STRADA: variants seen among roughly 807,000 people sequenced by gnomAD.
The protein encoded by STRADA is STE20-related kinase adapter protein alpha.
A neutral mutation model predicts 55.0 loss-of-function variants in STRADA; 26 were observed. That is an observed-to-expected ratio of 0.47 (90% CI 0.35 to 0.66). STRADA has a LOEUF of 0.66. Ranked by LOEUF, STRADA falls within the 30% of genes least tolerant of loss-of-function variation. STRADA has a pLI of 0.01. For missense variants in STRADA, 443 were observed against 549.7 expected (o/e 0.81, Z 1.94); for synonymous variants, 197 against 210.9 (o/e 0.93, Z 0.57).
At chr17:63,721,198 T>G (rs1415821896) in intron 4 of STRADA, among the ~76,000 whole-genome samples, 1 of 149,596 alleles carries the variant, frequency 6.7e-6, no homozygotes, top group Non-Finnish European at 1.5e-5. Flanking sequence ...ATGGTGAAAC[T>G]CCGTCTCTAT....
chr17:63,735,104 G>A (rs1248664812), intron 1 of STRADA, among the ~76,000 whole-genome samples: 7 of 152,330 alleles, frequency 4.6e-5, no homozygotes, highest in East Asian at 1.9e-4. Context: ...GCAGTGGGCC[G>A]AGATCGTGCC....
intron 1 of STRADA, among the ~76,000 whole-genome samples, chr17:63,729,129 C>T (rs1225229747): frequency 1.3e-5 from 2 of 152,158 alleles, no homozygotes; most frequent in African/African-American, 4.8e-5. Context: ...AGCGATCCTC[C>T]CATCTTGGCC....
intron 1 of STRADA, among the ~76,000 whole-genome samples, chr17:63,738,847 A>AATAATG (rs986075132): frequency 2.7e-5 from 4 of 150,294 alleles, no homozygotes; most frequent in African/African-American, 9.9e-5. Flanking sequence ...TAATAATAAT[A>AATAATG]ATAATAATAA....
intron 1 of STRADA, among the ~76,000 whole-genome samples, chr17:63,728,624 TGTG>T (rs933985941): frequency 3.5e-4 from 53 of 151,772 alleles, no homozygotes; most frequent in African/African-American, 1.3e-3. Flanking sequence ...TCTGGCCAGA[TGTG>T]GTGGTTCACG....
intron 4 of STRADA, chr17:63,714,516 T>C (rs975239779): frequency 7.2e-6 from 2 of 279,026 alleles, no homozygotes; most frequent in East Asian, 1.8e-4. Context: ...ATCCTATTTT[T>C]AAGGTCCTCA....
In STRADA at chr17:63,718,333, G is replaced by A. The variant is rs898519350; in HGVS notation, c.124-4225C>T. ...AGGTGAGAGAGATACACAACCAGGA[G>A]GCAAAAATGGAGCAGCAATTTGAGC... On this transcript the variant is annotated intron_variant, in intron 4 of 12. Transcript: ENST00000336174. Among the ~76,000 whole-genome samples, 11 of 152,212 alleles carry A rather than the reference G, an allele frequency of 7.2e-5. No homozygotes were observed. In the East Asian group the frequency reaches 2.1e-3, roughly 29 times the overall value.
chr17:63,707,331 A>G lies in STRADA; in HGVS notation c.669T>C (p.His223=), dbSNP rs766321338. Residue 223 remains histidine, a synonymous_variant, in exon 9 of 13, where the codon CAT becomes CAC. Coordinates refer to ENST00000336174, the MANE Select transcript of STRADA (RefSeq NM_001003787.4). ...CGTGGACCACTCGCTGCCGCTGCCC[A>G]TGGCTTATCATGCTGAGGTTGCTGC... The part of the protein sequence containing the change: ...GLRSNLSMIS[H]GQRQRVVHDF... The G allele has an allele frequency of 6.2e-7, 1 of 1,614,166 alleles. No individual in the cohort carries two copies.
At position 63,736,244 on chromosome 17, in the gene STRADA, C is replaced by T. The variant is rs528445718; in HGVS notation, c.-45+5497G>A. Among the ~76,000 whole-genome samples, 6 of 152,112 alleles carry T rather than the reference C, an allele frequency of 3.9e-5. No homozygotes were observed. The East Asian group carries it at 7.7e-4, about 20-fold the overall frequency. On this transcript the variant is annotated intron_variant, in intron 1 of 12. Transcript: ENST00000336174. ...GAGCCACTGCACCCAGCCCCATACA[C>T]GGTTTTTAATGAAATTATTTTAATG...
In STRADA at chr17:63,726,191, C is replaced by T. The variant is rs78231047; in HGVS notation, c.94+447G>A. 4.2e-3 allele frequency: 652 copies of T among 154,570 alleles called. 7 individuals are homozygous for T. Among genetic ancestry groups the T allele is most frequent in the African/African-American group, 0.015 (632 of 41,614 alleles). 9.6% of individuals were successfully genotyped at this position (154,570 alleles called of 1,614,324 possible). A position where few individuals can be genotyped will look rare whatever the true frequency, so the allele number is the denominator to read the frequency against. On this transcript the variant is annotated intron_variant, in intron 3 of 12. Transcript: ENST00000336174. ...CAGTCAGGTTTTACAATAGGAAGTT[C>T]ATATTTTTGTTCTGAAAGATTTTTC...
chr17:63,706,769 C>T (rs773894161), intron 9 of STRADA, 30 bp from the exon 10 acceptor site: 3 of 1,556,870 alleles, frequency 1.9e-6, no homozygotes, highest in South Asian at 1.1e-5. Flanking sequence ...CCACAGATTA[C>T]CCCATTTGGT....
At chr17:63,728,237 C>A in intron 2 of STRADA, 97 bp downstream of exon 2, 1 of 1,159,122 alleles carries the variant, frequency 8.6e-7, no homozygotes, top group Non-Finnish European at 1.3e-6. Flanking sequence ...CGTATCATTC[C>A]GACCCTCACG....
At position 63,740,086 on chromosome 17, in the gene STRADA, C is replaced by CTCTA. The variant is rs2038779539; in HGVS notation, c.-45+1654_-45+1655insTAGA. On this transcript the variant is annotated intron_variant, in intron 1 of 12. Transcript: ENST00000336174. ...CCCAGCCTATCAGAAACATTTAACA[C>CTCTA]TATATATATATATATATATATACAT... is the stretch of plus-strand genomic sequence containing the variant. 2.6e-4 allele frequency among the ~76,000 whole-genome samples: 11 copies of CTCTA among 41,524 alleles called. No individual in the cohort carries two copies. The South Asian group carries it at 0.012, about 44-fold the overall frequency. The allele number at this position is 41,524 out of a possible 152,430, so 27.2% of individuals were successfully genotyped here.
In STRADA at chr17:63,714,043, C is replaced by G. The variant is rs55923158; in HGVS notation, c.189G>C (p.Leu63=). ...GCAGCTCGTAACACCCTCCCTCTGG[C>G]AGAAAGCTACTCATGACCTCCTGTT... ...FSKQEVMSSF[L]PEGGCYELLT... The change falls in exon 5 of 13, where the codon CTG becomes CTC. Residue 63 remains leucine, a synonymous_variant. Coordinates refer to ENST00000336174, the MANE Select transcript of STRADA (RefSeq NM_001003787.4). 7 of 1,613,754 alleles carry G rather than the reference C, an allele frequency of 4.3e-6. No individual in the cohort carries two copies. The highest frequency in any genetic ancestry group is 1.6e-4 in the Middle Eastern group (1 of 6,062).
intron 3 of STRADA, among the ~76,000 whole-genome samples, chr17:63,725,030 G>C (rs1427270937): frequency 6.6e-6 from 1 of 151,592 alleles, no homozygotes; most frequent in African/African-American, 2.4e-5. Context: ...TGATCCGCCC[G>C]CCTGGGCCTC....
chr17:63,711,849 C>A (rs2036521158), intron 6 of STRADA, among the ~76,000 whole-genome samples: 1 of 152,080 alleles, frequency 6.6e-6, no homozygotes, highest in South Asian at 2.1e-4. Flanking sequence ...GTGGTAGAAT[C>A]ACCTGTGCCT....
At chr17:63,708,855 A>T (rs775166488) in intron 8 of STRADA, among the ~76,000 whole-genome samples, 2 of 152,140 alleles carry the variant, frequency 1.3e-5, no homozygotes, top group Non-Finnish European at 1.5e-5. Flanking sequence ...CCTACCTCCT[A>T]CGAATGCTTT....
chr17:63,718,815 A>G (rs1452677396), intron 4 of STRADA: 3 of 152,076 alleles, frequency 2.0e-5, no homozygotes, highest in Non-Finnish European at 4.4e-5. Flanking sequence ...TCTCAACTTA[A>G]ATGTCCTTTT....
chr17:63,717,992 G>A (rs1425870576), intron 4 of STRADA, among the ~76,000 whole-genome samples: 3 of 152,088 alleles, frequency 2.0e-5, no homozygotes, highest in Non-Finnish European at 4.4e-5. Context: ...CTGGAGTGCA[G>A]TGGCAAGATG....
chr17:63,718,849 A>C (rs1275577886), intron 4 of STRADA: 1 of 152,222 alleles, frequency 6.6e-6, no homozygotes, highest in Non-Finnish European at 1.5e-5. Context: ...CAGCCAAAGT[A>C]AACTAGGCTC....
Sources: gnomAD v4.1 joint callset for allele counts (sites outside exome capture counted in the v4.1 genomes callset) on GRCh38, gnomAD v4.1.1 for gene constraint, MANE v1.5 for transcripts, NCBI Gene and HGNC (gene_info 2026-07-23, HGNC 2026-07-21) for gene names.